Variants in RAB38 observed in about 807,000 individuals in gnomAD.
RAB38 encodes RAB38, member RAS oncogene family, also known as ras-related protein Rab-38.
In RAB38, 15 loss-of-function variants were observed where a neutral mutation model predicts 18.4. The observed-to-expected ratio is 0.82, with a 90% CI of 0.55 to 1.26. The LOEUF (loss-of-function observed/expected upper bound fraction) is 1.26, where lower values mean the gene tolerates loss of function less well. RAB38 is among the 50% of genes most tolerant of loss of function. RAB38 has a pLI of 0.00. For synonymous variants in RAB38, 101 were observed against 104.4 expected, an observed-to-expected ratio of 0.97 and a Z score of 0.20; for missense variants, 294 against 267.4, an observed-to-expected ratio of 1.10 and a Z score of -0.69.
At chr11:88,004,234 A>C in the RAB38 span, among the ~76,000 whole-genome samples, 1 of 150,596 alleles carries the variant, frequency 6.6e-6, no homozygotes, top group East Asian at 1.9e-4. Flanking sequence ...AGATTTAAAA[A>C]GTCTTTATTA....
the RAB38 span, among the ~76,000 whole-genome samples, chr11:87,835,357 T>G: frequency 1.3e-5 from 2 of 152,134 alleles, no homozygotes; most frequent in African/African-American, 4.8e-5. Context: ...AGTCTGGATC[T>G]CGGATGTTGT....
chr11:88,004,831 T>G, the RAB38 span, among the ~76,000 whole-genome samples: 3 of 151,398 alleles, frequency 2.0e-5, no homozygotes, highest in African/African-American at 7.2e-5. Context: ...CTATTTCATT[T>G]CTATATTCCT....
chr11:87,974,262 G>C, the RAB38 span, among the ~76,000 whole-genome samples: 4 of 151,480 alleles, frequency 2.6e-5, no homozygotes, highest in African/African-American at 9.7e-5. Context: ...ATATGGCAAA[G>C]CTCCACAGAA....
At chr11:88,092,113 T>A in the RAB38 span, among the ~76,000 whole-genome samples, 2 of 151,766 alleles carry the variant, frequency 1.3e-5, no homozygotes, top group African/African-American at 4.8e-5. Flanking sequence ...GGATTACTTT[T>A]GTTGCCATAT....
the RAB38 span, among the ~76,000 whole-genome samples, chr11:87,977,584 T>G: frequency 5.9e-5 from 7 of 118,392 alleles, no homozygotes; most frequent in Non-Finnish European, 8.1e-5. Flanking sequence ...TAACATAATT[T>G]TATAATAATT....
At chr11:87,972,494 T>C in the RAB38 span, among the ~76,000 whole-genome samples, 1 of 149,518 alleles carries the variant, frequency 6.7e-6, no homozygotes, top group Non-Finnish European at 1.5e-5. Context: ...AGAAAACATA[T>C]GCTTGCTCCA....
At chr11:87,863,915 C>T in the RAB38 span, among the ~76,000 whole-genome samples, 13,311 of 151,710 alleles carry the variant, frequency 0.088, 823 homozygotes, top group East Asian at 0.34. Context: ...AGTGCTGCCC[C>T]ATGGGCTAAT....
the RAB38 span, among the ~76,000 whole-genome samples, chr11:87,805,646 T>C: frequency 2.0e-5 from 3 of 151,336 alleles, no homozygotes; most frequent in Non-Finnish European, 2.9e-5. Flanking sequence ...CACACACATA[T>C]ACACATTTAT....
At chr11:87,947,824 G>A in the RAB38 span, among the ~76,000 whole-genome samples, 14,146 of 152,232 alleles carry the variant, frequency 0.093, 814 homozygotes, top group East Asian at 0.15. Context: ...GTCAGGTAGC[G>A]TGATGCCTCC....
the RAB38 span, among the ~76,000 whole-genome samples, chr11:87,838,288 G>A: frequency 0.06 from 9,091 of 151,898 alleles, 374 homozygotes; most frequent in Non-Finnish European, 0.084. Context: ...CTAATTTTTT[G>A]TATTTTTAGT....
At chr11:87,880,081 A>G in the RAB38 span, 1 of 151,748 alleles carries the variant, frequency 6.6e-6, no homozygotes, top group Non-Finnish European at 1.5e-5. Flanking sequence ...TTAGATATTT[A>G]TTGAGGGATT....
At chr11:87,850,247 T>G in the RAB38 span, among the ~76,000 whole-genome samples, 1 of 152,136 alleles carries the variant, frequency 6.6e-6, no homozygotes, top group Non-Finnish European at 1.5e-5. Context: ...CTGCAGCCTC[T>G]TCCCCAGGAA....
At chr11:87,916,244 T>C in the RAB38 span, among the ~76,000 whole-genome samples, 1 of 152,010 alleles carries the variant, frequency 6.6e-6, no homozygotes, top group African/African-American at 2.4e-5. Context: ...TGCACTGGTT[T>C]ATGTATGGTT....
chr11:88,127,640 C>T (rs573358611), intron 2 of RAB38, among the ~76,000 whole-genome samples: 1 of 152,182 alleles, frequency 6.6e-6, no homozygotes, highest in Admixed American at 6.5e-5. Flanking sequence ...GAGACTAGCC[C>T]AAAATGAAAT....
the RAB38 span, among the ~76,000 whole-genome samples, chr11:88,021,053 G>C: frequency 6.6e-6 from 1 of 151,842 alleles, no homozygotes; most frequent in Non-Finnish European, 1.5e-5. Context: ...AGAAAACCAA[G>C]AGCAAACCAA....
At chr11:87,878,709 C>A in the RAB38 span, among the ~76,000 whole-genome samples, 2 of 151,624 alleles carry the variant, frequency 1.3e-5, no homozygotes, top group Non-Finnish European at 3.0e-5. Flanking sequence ...TATGGGTAAG[C>A]AAATCATAGC....
At chr11:87,815,491 G>A in the RAB38 span, 2 of 152,168 alleles carry the variant, frequency 1.3e-5, no homozygotes, top group African/African-American at 4.8e-5. Context: ...TCTTTGGATT[G>A]TATAATGGGG....
the RAB38 span, among the ~76,000 whole-genome samples, chr11:88,083,902 C>T: frequency 6.6e-6 from 1 of 151,892 alleles, no homozygotes; most frequent in African/African-American, 2.4e-5. Context: ...TATGAATTAC[C>T]CAGTTTTGAT....
intron 1 of RAB38, chr11:88,173,576 A>G: frequency 1.0e-6 from 1 of 985,428 alleles, no homozygotes; most frequent in Non-Finnish European, 1.2e-6. Context: ...TGTTACCTGG[A>G]TTGTACACAG....
Sources: gnomAD v4.1 joint callset for allele counts (sites outside exome capture counted in the v4.1 genomes callset) on GRCh38, gnomAD v4.1.1 for gene constraint, MANE v1.5 for transcripts, NCBI Gene and HGNC (gene_info 2026-07-23, HGNC 2026-07-21) for gene names.